CRHR2: variants seen among roughly 807,000 people sequenced by gnomAD.
CRHR2 encodes corticotropin-releasing hormone receptor 2.
A neutral mutation model predicts 57.9 loss-of-function variants in CRHR2; 53 were observed. That is an observed-to-expected ratio of 0.92 (90% CI 0.73 to 1.15). CRHR2 has a LOEUF of 1.15. Ranked by LOEUF, CRHR2 falls within the 50% of genes most tolerant of loss-of-function variation. CRHR2 has a pLI of 0.00. For synonymous variants in CRHR2, 213 were observed against 220.9 expected (o/e 0.96, Z 0.32); for missense variants, 532 against 542.6 (o/e 0.98, Z 0.19).
At position 30,662,808 on chromosome 7, in the gene CRHR2, C is replaced by T. The variant is rs74782799; in HGVS notation, c.583G>A (p.Val195Met). The T allele has an allele frequency of 3.5e-5, 56 of 1,614,200 alleles. No homozygotes were observed. Among genetic ancestry groups the T allele is most frequent in the Admixed American group, 2.5e-4 (15 of 60,030 alleles). ...RCITTIFNYF[V>M]VTNFFWMFVE... ...AACATCCAGAAGAAGTTGGTCACCA[C>T]GAAGTAGTTGAAGATGGTGGTGATG... Residue 195 changes from valine to methionine, a missense_variant, in exon 6 of 12, where the codon GTG becomes ATG. Coordinates refer to ENST00000471646, the MANE Select transcript of CRHR2 (RefSeq NM_001883.5).
intron 2 of CRHR2, among the ~76,000 whole-genome samples, chr7:30,673,063 CAGA>C (rs1461876530): frequency 4.6e-5 from 7 of 152,312 alleles, no homozygotes; most frequent in African/African-American, 1.7e-4. Flanking sequence ...TCCAGATCCT[CAGA>C]AGAGAATACC....
At chr7:30,671,535 C>T (rs1784351897) in intron 2 of CRHR2, among the ~76,000 whole-genome samples, 1 of 150,696 alleles carries the variant, frequency 6.6e-6, no homozygotes, top group East Asian at 2.0e-4. Flanking sequence ...TATGGTGGCT[C>T]ATGCCTGTAA....
At chr7:30,672,918 T>C (rs920595779) in intron 2 of CRHR2, among the ~76,000 whole-genome samples, 5 of 152,178 alleles carry the variant, frequency 3.3e-5, no homozygotes, top group African/African-American at 1.2e-4. Context: ...AGAAGATCTC[T>C]CTCCCTTGGG....
chr7:30,653,524 A>G lies in CRHR2; in HGVS notation c.1172T>C (p.Met391Thr), dbSNP rs1328722494. The G allele has an allele frequency of 1.9e-6, 3 of 1,613,474 alleles. No homozygotes were observed. The highest frequency in any genetic ancestry group is 2.2e-5 in the South Asian group (2 of 91,062). ...CCGTGTGGGTGATGTAGGGATGGAC[A>G]TGGCCCGGGCCATGGGGACTCGAAG... ...HSLRVPMARA[M>T]SIPTSPTRIS... The change falls in exon 12 of 12, where the codon ATG becomes ACG. Residue 391 changes from methionine (M) to threonine (T), a missense_variant. Transcript: ENST00000471646. The surrounding 1 kb of genome is among the most constrained non-coding windows in gnomAD (Gnocchi z 5.0).
intron 2 of CRHR2, among the ~76,000 whole-genome samples, chr7:30,671,820 A>ATGG (rs1784365758): frequency 6.7e-6 from 1 of 148,466 alleles, no homozygotes; most frequent in Non-Finnish European, 1.5e-5. Context: ...GATGATGATG[A>ATGG]TGATGATGAT....
At position 30,655,871 on chromosome 7, in the gene CRHR2, C is replaced by T. The variant is rs531722257; in HGVS notation, c.917+56G>A. 6.2e-5 allele frequency: 99 copies of T among 1,600,266 alleles called. 1 individual carries two copies. Among genetic ancestry groups the T allele is most frequent in the Middle Eastern group, 3.6e-4 (2 of 5,594 alleles). Reference sequence around the variant, plus strand: ...AGGGCTCTGCCAGGAAGCAGGGGGACGGCCCGATGACCTCCTCCTGTCCCC... The same window carrying T: ...AGGGCTCTGCCAGGAAGCAGGGGGATGGCCCGATGACCTCCTCCTGTCCCC... On this transcript the variant is annotated intron_variant, in intron 9 of 11. Transcript: ENST00000471646.
intron 1 of CRHR2, among the ~76,000 whole-genome samples, chr7:30,696,836 A>C (rs760990276): frequency 5.9e-5 from 9 of 152,226 alleles, no homozygotes; most frequent in Admixed American, 2.0e-4. Flanking sequence ...ATGAAGTAGA[A>C]TATGACAGCT....
At chr7:30,686,567 G>A (rs1349272637), upstream of CRHR2, 16 of 1,508,714 alleles carry the variant, frequency 1.1e-5, no homozygotes, top group East Asian at 4.0e-4. Flanking sequence ...TCAGCACTTG[G>A]GGAAGCCAAG....
At chr7:30,681,852 C>G (rs1231585119) in intron 2 of CRHR2, 63 bp downstream of exon 2, 3 of 1,546,632 alleles carry the variant, frequency 1.9e-6, no homozygotes, top group South Asian at 1.2e-5. Flanking sequence ...ATCCTCTTTA[C>G]TCCCTAAACC....
chr7:30,681,896 G>A lies in CRHR2; in HGVS notation c.229+19C>T, dbSNP rs757389205. On this transcript the variant is annotated intron_variant, in intron 2 of 11. Transcript: ENST00000471646. ...AGGAGGCCGGTGTAGAGCAGGCAGC[G>A]AGGGCCGGGGGCACTCACGGGTCGT... 4.4e-6 allele frequency: 7 copies of A among 1,603,830 alleles called. No individual in the cohort carries two copies. Among genetic ancestry groups the A allele is most frequent in the Non-Finnish European group, 6.0e-6 (7 of 1,175,658 alleles).
rs373619629 is a variant in CRHR2, at chr7:30,681,870, C to T, written c.229+45G>A. 9.5e-6 allele frequency: 15 copies of T among 1,580,230 alleles called. No homozygotes were observed. The African/African-American group carries it at 1.7e-4, about 17-fold the overall frequency. Reference sequence around the variant, plus strand: ...CTCTTTACTCCCTAAACCGCCTTCTCAGGAGGCCGGTGTAGAGCAGGCAGC... The same window carrying T: ...CTCTTTACTCCCTAAACCGCCTTCTTAGGAGGCCGGTGTAGAGCAGGCAGC... On this transcript the variant is annotated intron_variant, in intron 2 of 11. Coordinates refer to ENST00000471646, the MANE Select transcript of CRHR2 (RefSeq NM_001883.5).
At position 30,660,602 on chromosome 7, in the gene CRHR2, A is replaced by G; in HGVS notation, c.802T>C (p.Tyr268His). 6.4e-7 allele frequency: 1 copy of G among 1,571,814 alleles called. No individual in the cohort carries two copies. The highest frequency in any genetic ancestry group is 8.6e-7 in the Non-Finnish European group (1 of 1,158,108). The change falls in exon 8 of 12, where the codon TAC (tyrosine) becomes CAC (histidine). Residue 268 changes from tyrosine (Y) to histidine (H), a missense_variant. Tyr to His is a moderately conservative substitution (Grantham distance 83, BLOSUM62 2). Coordinates refer to ENST00000471646, the MANE Select transcript of CRHR2 (RefSeq NM_001883.5). ...KEPGDLVDYI[Y>H]QGPIILVLLI... is the part of the protein sequence containing the mutation. ...AGCACGAGAATGATGGGGCCTTGGTAGATGTAGTCCACCAGGTCGCCAGGC... is the reference window on the plus strand; with the variant it reads ...AGCACGAGAATGATGGGGCCTTGGTGGATGTAGTCCACCAGGTCGCCAGGC...
In CRHR2 at chr7:30,655,663, T is replaced by C. The variant is rs777707822; in HGVS notation, c.970A>G (p.Met324Val). The C allele has an allele frequency of 2.5e-6, 4 of 1,613,972 alleles. No homozygotes were observed. The highest frequency in any genetic ancestry group is 4.5e-5 in the East Asian group (2 of 44,888). Residue 324 changes from methionine (M) to valine (V), a missense_variant, in exon 10 of 12, where the codon ATG (methionine) becomes GTG (valine). By Grantham distance (21) the Met-to-Val change is conservative. Transcript: ENST00000471646. ...VLLPLLGITY[M>V]LFFVNPGEDD... ...TCCCCGGGATTGACGAAGAAGAGCA[T>C]GTAGGTGATGCCCAGGAGGGGCAGG...
At chr7:30,694,031 C>T (rs536696555) in intron 1 of CRHR2, among the ~76,000 whole-genome samples, 32 of 152,312 alleles carry the variant, frequency 2.1e-4, no homozygotes, top group Middle Eastern at 6.8e-3. Context: ...GCTGTGGGAG[C>T]ACAGGGTCCA....
chr7:30,653,619 C>T lies in CRHR2; in HGVS notation c.1096-19G>A, dbSNP rs2128138622. On this transcript the variant is annotated intron_variant, in intron 11 of 11. Coordinates refer to ENST00000471646, the MANE Select transcript of CRHR2 (RefSeq NM_001883.5). The surrounding 1 kb of genome is among the most constrained non-coding windows in gnomAD (Gnocchi z 5.0). ...AGCGCACCTGTGGGGAAGGCAGAGG[C>T]TCAGCTGGCTCCCAGGGACCAACCC... 6 of 1,597,578 alleles carry T rather than the reference C, an allele frequency of 3.8e-6. No homozygotes were observed. Among genetic ancestry groups the T allele is most frequent in the Non-Finnish European group, 5.1e-6 (6 of 1,174,862 alleles).
intron 2 of CRHR2, among the ~76,000 whole-genome samples, chr7:30,681,303 C>T (rs766919174): frequency 6.6e-6 from 1 of 152,204 alleles, no homozygotes; most frequent in Non-Finnish European, 1.5e-5. Context: ...TAATGCTGCC[C>T]ACAGCCCCTG....
chr7:30,680,998 G>T (rs948411641), intron 2 of CRHR2, among the ~76,000 whole-genome samples: 1 of 152,066 alleles, frequency 6.6e-6, no homozygotes, highest in Non-Finnish European at 1.5e-5. Flanking sequence ...TATCAGGGGG[G>T]TTCTAGGTGG....
chr7:30,655,557 C>T (rs1429047566), intron 10 of CRHR2, 23 bp downstream of exon 10: 2 of 1,601,300 alleles, frequency 1.2e-6, no homozygotes, highest in African/African-American at 1.3e-5. Flanking sequence ...ACTGTGGGGC[C>T]CCCATCTGGT....
At chr7:30,691,888 C>T (rs999237832) in intron 1 of CRHR2, among the ~76,000 whole-genome samples, 1 of 152,158 alleles carries the variant, frequency 6.6e-6, no homozygotes, top group Non-Finnish European at 1.5e-5. Flanking sequence ...GAAAGAGAGG[C>T]TGCTGTCCTC....
Sources: allele counts gnomAD v4.1 joint callset (sites outside exome capture counted in the v4.1 genomes callset), GRCh38; gene constraint gnomAD v4.1.1; non-coding constraint Gnocchi (gnomAD v3.1); transcripts MANE v1.5; gene names NCBI Gene and HGNC (gene_info 2026-07-23, HGNC 2026-07-21).